AASS: variants seen among roughly 807,000 people sequenced by gnomAD.
The protein encoded by AASS is aminoadipate-semialdehyde synthase.
A neutral mutation model predicts 105.4 loss-of-function variants in AASS; 86 were observed. The ratio of observed to expected loss-of-function variants is 0.82; its 90% CI spans 0.69 to 0.98. The LOEUF is 0.98. Ranked by LOEUF, AASS falls within the 50% of genes least tolerant of loss-of-function variation. The pLI is 0.00. For synonymous variants in AASS, 381 were observed against 394.8 expected (o/e 0.96, Z 0.41); for missense variants, 1,048 against 1,143.2 (o/e 0.92, Z 1.20).
At chr7:122,095,213 T>TC (rs1794093144) in intron 15 of AASS, among the ~76,000 whole-genome samples, 1 of 151,970 alleles carries the variant, frequency 6.6e-6, no homozygotes, top group South Asian at 2.1e-4. Context: ...TCAGTGTAAA[T>TC]GCTATCAAAA....
At chr7:122,084,739 A>T (rs1793542292) in intron 19 of AASS, among the ~76,000 whole-genome samples, 1 of 152,124 alleles carries the variant, frequency 6.6e-6, no homozygotes, top group Non-Finnish European at 1.5e-5. Flanking sequence ...ACAGAAAAGC[A>T]GGCACAAGAT....
intron 4 of AASS, among the ~76,000 whole-genome samples, chr7:122,123,952 C>T (rs1795542273): frequency 6.6e-6 from 1 of 152,176 alleles, no homozygotes; most frequent in African/African-American, 2.4e-5. Context: ...AGTTGGTAAC[C>T]TGCATGTCAT....
intron 4 of AASS, among the ~76,000 whole-genome samples, chr7:122,119,849 C>T (rs1363989106): frequency 6.6e-6 from 1 of 152,096 alleles, no homozygotes; most frequent in East Asian, 1.9e-4. Flanking sequence ...GCAGGGGGTT[C>T]GTTCTAAGAC....
chr7:122,083,054 G>GAAGGA (rs1793447015), intron 19 of AASS, among the ~76,000 whole-genome samples: 1 of 150,946 alleles, frequency 6.6e-6, no homozygotes, highest in Admixed American at 6.6e-5. Context: ...GAGAGAGAGA[G>GAAGGA]AAGAAAAGAG....
At chr7:122,120,744 ATACTT>A (rs1795402246) in intron 4 of AASS, among the ~76,000 whole-genome samples, 1 of 152,022 alleles carries the variant, frequency 6.6e-6, no homozygotes, top group Non-Finnish European at 1.5e-5. Flanking sequence ...TTGATAAGCT[ATACTT>A]TAAATTTTTA....
intron 15 of AASS, among the ~76,000 whole-genome samples, chr7:122,096,770 A>G (rs938820106): frequency 6.6e-6 from 1 of 152,168 alleles, no homozygotes; most frequent in Non-Finnish European, 1.5e-5. Flanking sequence ...ATTGAAGGCC[A>G]CTAGTTTGCT....
chr7:122,119,364 C>T (rs1442408404), intron 4 of AASS, among the ~76,000 whole-genome samples: 3 of 152,212 alleles, frequency 2.0e-5, no homozygotes, highest in Admixed American at 1.3e-4. Flanking sequence ...TATATGCAGA[C>T]GACTTCAAGT....
chr7:122,129,242 G>A (rs1283005578), intron 3 of AASS, 119 bp downstream of exon 3: 1 of 626,342 alleles, frequency 1.6e-6, no homozygotes, highest in African/African-American at 1.9e-5. Flanking sequence ...GAATATAAAA[G>A]GAATGCAATG....
intron 19 of AASS, among the ~76,000 whole-genome samples, chr7:122,085,380 C>T (rs1793571246): frequency 6.6e-6 from 1 of 152,050 alleles, no homozygotes; most frequent in Admixed American, 6.6e-5. Context: ...GTGTAGTGGA[C>T]ATTTGCATTA....
rs17348794 is a variant in AASS at position 122,074,935 on chromosome 7, T to C, written c.*1554A>G. On this transcript the variant is annotated 3_prime_UTR_variant, in exon 24 of 24. Coordinates refer to ENST00000417368, the MANE Select transcript of AASS (RefSeq NM_005763.4). ...ATTGCAGTGACCCAGTTATAGCTCA[T>C]TGCAGCTTCGAACTTTGGGGCTCAA... Among the ~76,000 whole-genome samples, 2 of 152,168 alleles carry C rather than the reference T, an allele frequency of 1.3e-5. No individual in the cohort carries two copies. The highest frequency in any genetic ancestry group is 4.8e-5 in the African/African-American group (2 of 41,440).
chr7:122,114,345 G>C (rs990441378), intron 9 of AASS, among the ~76,000 whole-genome samples: 1 of 152,104 alleles, frequency 6.6e-6, no homozygotes. Context: ...CAATGCTTCT[G>C]CTTTCTTCTA....
chr7:122,110,662 A>G (rs1213289829), intron 11 of AASS, among the ~76,000 whole-genome samples: 5 of 151,932 alleles, frequency 3.3e-5, no homozygotes, highest in African/African-American at 1.2e-4. Flanking sequence ...CCTGACAAAG[A>G]CCTTATAATA....
chr7:122,094,250 T>C (rs1029354912), intron 15 of AASS, among the ~76,000 whole-genome samples: 18 of 152,064 alleles, frequency 1.2e-4, no homozygotes. Flanking sequence ...AAAATAAAAG[T>C]TGAAAGTAAA....
chr7:122,120,597 G>A (rs279679), intron 4 of AASS, among the ~76,000 whole-genome samples: 15,701 of 151,444 alleles, frequency 0.1, 1,141 homozygotes, highest in African/African-American at 0.2. Context: ...TTCTACTTGC[G>A]TTTGATTTAA....
intron 11 of AASS, among the ~76,000 whole-genome samples, chr7:122,110,329 G>T (rs1015230939): frequency 6.6e-6 from 1 of 150,780 alleles, no homozygotes. Flanking sequence ...AGTTAATAAG[G>T]TTATTACTAA....
At chr7:122,093,854 G>T (rs1159973052) in intron 15 of AASS, among the ~76,000 whole-genome samples, 1 of 151,850 alleles carries the variant, frequency 6.6e-6, no homozygotes, top group East Asian at 1.9e-4. Context: ...AACAAAAACC[G>T]TGAATTGGAT....
At position 122,091,837 on chromosome 7, in the gene AASS, A is replaced by T; in HGVS notation, c.1882T>A (p.Ser628Thr). The T allele has an allele frequency of 6.3e-7, 1 of 1,597,704 alleles. No homozygotes were observed. The highest frequency in any genetic ancestry group is 8.6e-7 in the Non-Finnish European group (1 of 1,165,874). Residue 628 changes from serine (S) to threonine (T), a missense_variant, in exon 18 of 24, where the codon TCA becomes ACA. By Grantham distance (58) the Ser-to-Thr change is moderately conservative. Transcript: ENST00000417368. ...KAKEVGATIE[S>T]YISYCGGLPA... ...AGCCCACCACAGTAGGAAATATATG[A>T]TTCAATCTATAAATTAAAGAATCAA...
intron 19 of AASS, 93 bp from the exon 20 acceptor site, chr7:122,081,688 C>G: frequency 1.2e-6 from 1 of 861,382 alleles, no homozygotes; most frequent in Non-Finnish European, 1.9e-6. Flanking sequence ...ATCTTTGTAA[C>G]TAATTTAGAA....
intron 15 of AASS, among the ~76,000 whole-genome samples, chr7:122,094,386 T>G (rs973583682): frequency 6.6e-6 from 1 of 152,150 alleles, no homozygotes; most frequent in African/African-American, 2.4e-5. Context: ...AATAAAGGCC[T>G]GAGAAGTGGT....
Sources: allele counts gnomAD v4.1 joint callset (sites outside exome capture counted in the v4.1 genomes callset), GRCh38; gene constraint gnomAD v4.1.1; transcripts MANE v1.5; gene names NCBI Gene and HGNC (gene_info 2026-07-23, HGNC 2026-07-21).